The following KCNIP4 variants were observed in gnomAD, a reference collection of about 807,000 sequenced individuals.
The protein encoded by KCNIP4 is Kv channel-interacting protein 4.
KCNIP4 carries 12 observed loss-of-function variants against 34.0 expected under a neutral mutation model. The ratio of observed to expected loss-of-function variants is 0.35; its 90% confidence interval spans 0.23 to 0.57. The LOEUF (loss-of-function observed/expected upper bound fraction) is 0.57. Among genes scored for constraint, KCNIP4 ranks in the 20% least tolerant of loss-of-function variants. The probability of loss-of-function intolerance (pLI) is 0.83; values close to 1 mark genes in which losing one functional copy is unlikely to be tolerated. For missense variants in KCNIP4, 238 were observed against 311.7 expected, an observed-to-expected ratio of 0.76 and a Z score of 1.78; for synonymous variants, 124 against 102.2, an observed-to-expected ratio of 1.21 and a Z score of -1.29.
At chr4:20,847,255 G>A (rs1297297345) in intron 3 of KCNIP4, among the ~76,000 whole-genome samples, 4 of 152,170 alleles carry the variant, frequency 2.6e-5, no homozygotes, top group African/African-American at 9.7e-5. Context: ...TCCTGAGTCA[G>A]AGGGAACTGC....
intron 1 of KCNIP4, among the ~76,000 whole-genome samples, chr4:20,891,329 G>T (rs996785677): frequency 2.0e-5 from 3 of 152,116 alleles, no homozygotes; most frequent in Admixed American, 6.5e-5. Context: ...AAATTGGGCT[G>T]AGCAAGGTGG....
intron 1 of KCNIP4, chr4:21,851,595 C>A (rs940491645): frequency 6.6e-6 from 1 of 152,114 alleles, no homozygotes; most frequent in Non-Finnish European, 1.5e-5. Context: ...AATACAAACA[C>A]GGGCTTGTGT....
intron 1 of KCNIP4, among the ~76,000 whole-genome samples, chr4:21,274,850 C>T (rs1762345825): frequency 6.6e-6 from 1 of 151,794 alleles, no homozygotes; most frequent in African/African-American, 2.4e-5. Flanking sequence ...GGGTATCTTG[C>T]TTCAAACTCA....
At position 21,525,566 on chromosome 4, in the gene KCNIP4, C is replaced by T. The variant is rs558730504; in HGVS notation, c.61+423005G>A. 2.0e-4 allele frequency among the ~76,000 whole-genome samples: 30 copies of T among 152,134 alleles called. No homozygotes were observed. The South Asian group carries it at 4.0e-3, about 20-fold the overall frequency. ...CTAAATAATTTACTCATTGGTATAG[C>T]GGCAGCTCATTTCCCAGAATCTGTA... On this transcript the variant is annotated intron_variant, in intron 1 of 8. Coordinates refer to ENST00000382152, the MANE Select transcript of KCNIP4 (RefSeq NM_025221.6).
intron 1 of KCNIP4, among the ~76,000 whole-genome samples, chr4:20,887,607 A>G (rs1211927696): frequency 1.3e-5 from 2 of 152,210 alleles, no homozygotes; most frequent in East Asian, 1.9e-4. Context: ...TAAAGTTCTC[A>G]GGGGAATACA....
chr4:20,864,358 T>A (rs1045013444), intron 2 of KCNIP4, among the ~76,000 whole-genome samples: 2 of 151,120 alleles, frequency 1.3e-5, no homozygotes, highest in Non-Finnish European at 2.9e-5. Flanking sequence ...GTATAACATG[T>A]ATATATGTAT....
At chr4:21,017,805 C>T (rs141415810) in intron 1 of KCNIP4, among the ~76,000 whole-genome samples, 280 of 152,250 alleles carry the variant, frequency 1.8e-3, no homozygotes, top group African/African-American at 6.5e-3. Context: ...TATATGTCCA[C>T]CAACAGTGTA....
At chr4:21,835,130 A>T (rs1020048198) in intron 1 of KCNIP4, among the ~76,000 whole-genome samples, 11 of 152,160 alleles carry the variant, frequency 7.2e-5, no homozygotes, top group African/African-American at 2.4e-4. Context: ...TCAGGAAAAA[A>T]GTTTCACCCT....
chr4:20,771,790 C>T (rs1755909496), intron 3 of KCNIP4, among the ~76,000 whole-genome samples: 1 of 152,072 alleles, frequency 6.6e-6, no homozygotes, highest in African/African-American at 2.4e-5. Flanking sequence ...CCGCCTTGGC[C>T]TTCCTAGTAG....
chr4:21,757,166 A>AGAAAGAAGGAAG (rs1717639421), intron 1 of KCNIP4, among the ~76,000 whole-genome samples: 4 of 46,350 alleles, frequency 8.6e-5, no homozygotes, highest in African/African-American at 3.7e-4. Context: ...AAAGAAAGAA[A>AGAAAGAAGGAAG]GAAGGAAGGA....
At chr4:21,157,768 C>G (rs1004275315) in intron 1 of KCNIP4, among the ~76,000 whole-genome samples, 2 of 151,986 alleles carry the variant, frequency 1.3e-5, no homozygotes, top group Non-Finnish European at 2.9e-5. Flanking sequence ...TTAACAATAA[C>G]ATTTAATTAG....
intron 1 of KCNIP4, among the ~76,000 whole-genome samples, chr4:21,721,527 A>C (rs1021052424): frequency 1.3e-5 from 2 of 152,198 alleles, no homozygotes; most frequent in African/African-American, 4.8e-5. Context: ...CATAGTTTCT[A>C]ATTTTAATCA....
At position 21,015,223 on chromosome 4, in the gene KCNIP4, C is replaced by T. The variant is rs370653978; in HGVS notation, c.62-132514G>A. ...GGATAGAAGTGACTGTTGCACAACA[C>T]TGTGAATGTAATTAATGCCACTGAA... On this transcript the variant is annotated intron_variant, in intron 1 of 8. Coordinates refer to ENST00000382152, the MANE Select transcript of KCNIP4 (RefSeq NM_025221.6). 1.9e-3 allele frequency among the ~76,000 whole-genome samples: 287 copies of T among 151,076 alleles called. 6 individuals carry two copies. The South Asian group carries it at 0.054, about 28-fold the overall frequency.
chr4:21,415,378 A>T (rs1321703078), intron 1 of KCNIP4, among the ~76,000 whole-genome samples: 1 of 152,104 alleles, frequency 6.6e-6, no homozygotes, highest in Non-Finnish European at 1.5e-5. Context: ...GATCTGTTGT[A>T]CAACATTGTG....
At chr4:21,154,569 A>G (rs1258317381) in intron 1 of KCNIP4, among the ~76,000 whole-genome samples, 3 of 152,224 alleles carry the variant, frequency 2.0e-5, no homozygotes, top group South Asian at 4.1e-4. Flanking sequence ...CAGATCTGCA[A>G]TGGAGATGAA....
At chr4:20,879,056 T>C (rs1724387830) in intron 2 of KCNIP4, among the ~76,000 whole-genome samples, 1 of 152,020 alleles carries the variant, frequency 6.6e-6, no homozygotes. Context: ...AGAGTGATGG[T>C]GATTAGGAGA....
intron 2 of KCNIP4, among the ~76,000 whole-genome samples, chr4:20,872,952 A>G (rs1329838362): frequency 6.6e-6 from 1 of 152,146 alleles, no homozygotes; most frequent in African/African-American, 2.4e-5. Context: ...TCCCTAACTG[A>G]CCTTCATGGC....
At chr4:20,806,963 A>G (rs142456597) in intron 3 of KCNIP4, among the ~76,000 whole-genome samples, 1 of 152,154 alleles carries the variant, frequency 6.6e-6, no homozygotes, top group South Asian at 2.1e-4. Context: ...TAATCTGATA[A>G]ATTCTGCTGT....
At chr4:21,585,683 T>C (rs555297478) in intron 1 of KCNIP4, among the ~76,000 whole-genome samples, 7 of 152,156 alleles carry the variant, frequency 4.6e-5, no homozygotes, top group Non-Finnish European at 8.8e-5. Context: ...TATGCTTGAA[T>C]ATGTGATAGA....
Sources: gnomAD v4.1 joint callset for allele counts (sites outside exome capture counted in the v4.1 genomes callset) on GRCh38, gnomAD v4.1.1 for gene constraint, MANE v1.5 for transcripts, NCBI Gene and HGNC (gene_info 2026-07-23, HGNC 2026-07-21) for gene names.